The following PCDH11X variants were observed in gnomAD, a reference collection of about 807,000 sequenced individuals.
PCDH11X encodes protocadherin-11 X-linked.
A neutral mutation model predicts 53.3 loss-of-function variants in PCDH11X; 18 were observed. That is an observed-to-expected ratio of 0.34 (90% CI 0.23 to 0.50). The LOEUF (loss-of-function observed/expected upper bound fraction) is 0.50. PCDH11X is among the 20% of genes least tolerant of loss of function. The pLI is 0.98. For synonymous variants in PCDH11X, 279 were observed against 393.3 expected (o/e 0.71, Z 3.44); for missense variants, 570 against 1,032.4 (o/e 0.55, Z 6.14).
chrX:92,250,460 A>C (rs2067436416), intron 7 of PCDH11X, among the ~76,000 whole-genome samples: 1 of 109,414 alleles, frequency 9.1e-6, no homozygotes, highest in African/African-American at 3.3e-5. Context: ...AACAAAAGAA[A>C]TGAAAAGATA....
At chrX:92,198,002 C>G (rs976614884) in intron 6 of PCDH11X, among the ~76,000 whole-genome samples, 1 of 111,008 alleles carries the variant, frequency 9.0e-6, no homozygotes, top group African/African-American at 3.3e-5. Flanking sequence ...ATAGCATGAT[C>G]TTATTGTTAG....
chrX:92,024,678 G>A (rs758751026), intron 6 of PCDH11X, among the ~76,000 whole-genome samples: 2 of 91,280 alleles, frequency 2.2e-5, no homozygotes, highest in East Asian at 6.9e-4. Flanking sequence ...AATTTCATAT[G>A]GAACCAAAAA....
chrX:92,216,939 A>G (rs1368169432), intron 7 of PCDH11X, among the ~76,000 whole-genome samples: 2 of 108,999 alleles, frequency 1.8e-5, no homozygotes, highest in African/African-American at 6.8e-5. Flanking sequence ...AGAATTTCAT[A>G]TCCAGGCAAA....
At chrX:92,003,382 T>C (rs1411942511) in intron 6 of PCDH11X, among the ~76,000 whole-genome samples, 1 of 110,708 alleles carries the variant, frequency 9.0e-6, no homozygotes, top group Non-Finnish European at 1.9e-5. Flanking sequence ...ATCAGGGTAA[T>C]ACTGGACTCA....
At chrX:92,400,164 C>A (rs907398498) in intron 9 of PCDH11X, among the ~76,000 whole-genome samples, 56 of 110,808 alleles carry the variant, frequency 5.1e-4, no homozygotes, top group Admixed American at 4.8e-4. Flanking sequence ...TAGACAAGCT[C>A]TTCATTTCTA....
At chrX:92,087,916 T>C (rs1397065390) in intron 6 of PCDH11X, among the ~76,000 whole-genome samples, 1 of 106,748 alleles carries the variant, frequency 9.4e-6, no homozygotes, top group African/African-American at 3.4e-5. Flanking sequence ...TATATATTTA[T>C]ATAAGATATA....
At chrX:92,256,244 G>T (rs1603235945) in intron 7 of PCDH11X, among the ~76,000 whole-genome samples, 2 of 110,796 alleles carry the variant, frequency 1.8e-5, no homozygotes, top group Non-Finnish European at 1.9e-5. Context: ...ATTAGGAAAG[G>T]GAACTCCCTG....
chrX:91,812,854 A>C (rs1333804362), intron 4 of PCDH11X, among the ~76,000 whole-genome samples: 1 of 111,813 alleles, frequency 8.9e-6, no homozygotes, highest in Non-Finnish European at 1.9e-5. Context: ...GGTAGTTGGA[A>C]TATAACTCAT....
At chrX:92,121,468 T>G in intron 6 of PCDH11X, among the ~76,000 whole-genome samples, 1 of 111,716 alleles carries the variant, frequency 9.0e-6, no homozygotes, top group Admixed American at 9.5e-5. Flanking sequence ...AAAATTGTTT[T>G]TAATCCAATC....
intron 5 of PCDH11X, among the ~76,000 whole-genome samples, chrX:91,851,944 G>GA (rs1372272575): frequency 1.6e-4 from 17 of 104,178 alleles, no homozygotes; most frequent in African/African-American, 3.1e-4. Flanking sequence ...ATAGTGAGAG[G>GA]AAAAAAAAAA....
intron 8 of PCDH11X, among the ~76,000 whole-genome samples, chrX:92,302,185 G>A (rs768885511): frequency 9.0e-6 from 1 of 111,302 alleles, no homozygotes; most frequent in South Asian, 3.8e-4. Flanking sequence ...TAGGGGCAGG[G>A]TAAGAAATTC....
intron 10 of PCDH11X, among the ~76,000 whole-genome samples, chrX:92,471,365 G>A (rs1007840282): frequency 1.4e-4 from 15 of 105,452 alleles, no homozygotes; most frequent in African/African-American, 4.5e-4. Context: ...TGTGGTATTT[G>A]GTTTTCTGGC....
intron 6 of PCDH11X, among the ~76,000 whole-genome samples, chrX:92,177,751 A>G (rs1212875835): frequency 9.0e-6 from 1 of 111,348 alleles, no homozygotes. Flanking sequence ...TAGTTGGTAT[A>G]TAAGGATTGT....
At chrX:92,239,368 G>A (rs2067224578) in intron 7 of PCDH11X, among the ~76,000 whole-genome samples, 1 of 111,459 alleles carries the variant, frequency 9.0e-6, no homozygotes, top group Non-Finnish European at 1.9e-5. Context: ...CTATTAAGAT[G>A]CCAAATTTAA....
At chrX:92,181,540 C>T (rs1421248743) in intron 6 of PCDH11X, among the ~76,000 whole-genome samples, 1 of 111,740 alleles carries the variant, frequency 8.9e-6, no homozygotes, top group Non-Finnish European at 1.9e-5. Context: ...CATCAAGGAC[C>T]TTTGCAGTAG....
chrX:92,105,872 G>A (rs1158149189), intron 6 of PCDH11X, among the ~76,000 whole-genome samples: 1 of 111,502 alleles, frequency 9.0e-6, no homozygotes. Context: ...ATATAGTGCA[G>A]GTCACAGGGG....
At chrX:92,100,994 A>T (rs1172961089) in intron 6 of PCDH11X, among the ~76,000 whole-genome samples, 7 of 111,907 alleles carry the variant, frequency 6.3e-5, no homozygotes, top group Non-Finnish European at 1.1e-4. Flanking sequence ...AAAAACAGGT[A>T]TAAAAGGTCT....
intron 8 of PCDH11X, among the ~76,000 whole-genome samples, chrX:92,365,046 G>T (rs1354483404): frequency 3.8e-5 from 3 of 79,769 alleles, no homozygotes; most frequent in East Asian, 3.0e-4. Context: ...GCATAGGCTT[G>T]CATAGCGTCA....
At position 92,504,760 on chromosome X, in the gene PCDH11X, A is replaced by G. The variant is rs1007983671; in HGVS notation, c.3367+36438A>G. ...AGTGGCTGAATGAATTTACACTGCC[A>G]TGAGCAGTGTATATGCATTCCCTTT... On this transcript the variant is annotated intron_variant, in intron 10 of 10. Coordinates refer to ENST00000682573, the MANE Select transcript of PCDH11X (RefSeq NM_032968.5). 3.6e-5 allele frequency among the ~76,000 whole-genome samples: 4 copies of G among 112,348 alleles called. No homozygotes were observed. In the East Asian group the frequency reaches 8.4e-4, roughly 24 times the overall value.
Sources: gnomAD v4.1 joint callset for allele counts (sites outside exome capture counted in the v4.1 genomes callset) on GRCh38, gnomAD v4.1.1 for gene constraint, MANE v1.5 for transcripts, NCBI Gene and HGNC (gene_info 2026-07-23, HGNC 2026-07-21) for gene names.